The following NUBPL variants were observed in gnomAD, a reference collection of about 807,000 sequenced individuals.
NUBPL encodes the protein iron-sulfur cluster transfer protein NUBPL.
Under a neutral mutation model 45.7 loss-of-function variants are expected in NUBPL, and 31 were observed. The ratio of observed to expected loss-of-function variants is 0.68; its 90% CI spans 0.51 to 0.92. The LOEUF is 0.92. Among genes scored for constraint, NUBPL ranks in the 40% least tolerant of loss-of-function variants. The pLI, the probability that NUBPL is intolerant of heterozygous loss-of-function variation, is 0.00. For missense variants in NUBPL, 401 were observed against 398.7 expected (o/e 1.01, Z -0.05); for synonymous variants, 144 against 140.9 (o/e 1.02, Z -0.15).
intron 4 of NUBPL, among the ~76,000 whole-genome samples, chr14:31,622,434 A>G (rs1471921770): frequency 6.6e-6 from 1 of 152,138 alleles, no homozygotes; most frequent in Admixed American, 6.5e-5. Flanking sequence ...CGAAATGTTC[A>G]TCACCGAGAC....
At chr14:31,639,592 A>G (rs1184666889) in intron 4 of NUBPL, among the ~76,000 whole-genome samples, 1 of 152,206 alleles carries the variant, frequency 6.6e-6, no homozygotes, top group Non-Finnish European at 1.5e-5. Flanking sequence ...GCATCCTGGG[A>G]GAACCACTGC....
chr14:31,578,303 G>A (rs1293880121), intron 3 of NUBPL, among the ~76,000 whole-genome samples: 2 of 152,198 alleles, frequency 1.3e-5, no homozygotes. Flanking sequence ...TTTAAAACAA[G>A]CTTTGGTAAG....
At chr14:31,732,025 A>T (rs970082323) in intron 6 of NUBPL, among the ~76,000 whole-genome samples, 1 of 151,636 alleles carries the variant, frequency 6.6e-6, no homozygotes, top group Non-Finnish European at 1.5e-5. Flanking sequence ...AAACGGTGAA[A>T]TCCCGTCTCT....
chr14:31,820,127 G>A lies in NUBPL; in HGVS notation c.608-6502G>A, dbSNP rs538583694. Among the ~76,000 whole-genome samples the A allele has an allele frequency of 1.1e-3, 140 of 131,950 alleles. 1 individual carries two copies. The highest frequency in any genetic ancestry group is 4.1e-3 in the African/African-American group (126 of 30,854). 86.6% of individuals were successfully genotyped at this position (131,950 alleles called of 152,430 possible). On this transcript the variant is annotated intron_variant, in intron 7 of 10. Coordinates refer to ENST00000281081, the MANE Select transcript of NUBPL (RefSeq NM_025152.3). ...TGCACTCCAGCCTGGGCAACAGAGCGAGACTCCATCTCAAAAAAAAAAAAA... is the reference window on the plus strand; with the variant it reads ...TGCACTCCAGCCTGGGCAACAGAGCAAGACTCCATCTCAAAAAAAAAAAAA...
intron 6 of NUBPL, among the ~76,000 whole-genome samples, chr14:31,701,134 A>G (rs2037327960): frequency 6.7e-6 from 1 of 149,322 alleles, no homozygotes; most frequent in South Asian, 2.1e-4. Context: ...GTATCTAGCT[A>G]ATCTGGTGGG....
intron 10 of NUBPL, among the ~76,000 whole-genome samples, chr14:31,851,745 G>GT (rs10708638): frequency 5.3e-5 from 8 of 151,652 alleles, no homozygotes; most frequent in Non-Finnish European, 8.8e-5. Context: ...AAAATTGAGG[G>GT]TTTTTTTTGC....
chr14:31,855,798 G>C (rs1485639094), intron 10 of NUBPL, among the ~76,000 whole-genome samples: 1 of 152,066 alleles, frequency 6.6e-6, no homozygotes, highest in East Asian at 1.9e-4. Flanking sequence ...TCTTTTTACT[G>C]TGCAGAGTCT....
intron 6 of NUBPL, among the ~76,000 whole-genome samples, chr14:31,699,407 AT>A (rs1409608802): frequency 3.9e-5 from 6 of 152,176 alleles, no homozygotes; most frequent in Admixed American, 1.3e-4. Flanking sequence ...TATACTGTTT[AT>A]CTGCATTCAC....
chr14:31,758,293 A>T (rs2038719418), intron 6 of NUBPL, among the ~76,000 whole-genome samples: 1 of 152,202 alleles, frequency 6.6e-6, no homozygotes, highest in Non-Finnish European at 1.5e-5. Flanking sequence ...TAATTATAAG[A>T]CATGATTAAT....
At position 31,846,588 on chromosome 14, in the gene NUBPL, C is replaced by G; in HGVS notation, c.811C>G (p.Leu271Val). ...AGCACAGACCCTTGGTCTTGAAGTT[C>G]TAGGTAAGACTGTGGGATGTTCTTT... The part of the protein sequence containing the change: ...KLAQTLGLEV[L>V]GDIPLHLNIR... The change falls in exon 9 of 11, where the codon CTA (leucine) becomes GTA (valine). Residue 271 changes from leucine to valine, a missense_variant. Coordinates refer to ENST00000281081, the MANE Select transcript of NUBPL (RefSeq NM_025152.3). 6.2e-7 allele frequency: 1 copy of G among 1,613,510 alleles called. No individual in the cohort carries two copies. Among genetic ancestry groups the G allele is most frequent in the Non-Finnish European group, 8.5e-7 (1 of 1,179,794 alleles).
intron 4 of NUBPL, among the ~76,000 whole-genome samples, chr14:31,633,822 A>G (rs2035409226): frequency 6.6e-6 from 1 of 152,120 alleles, no homozygotes; most frequent in African/African-American, 2.4e-5. Context: ...ATATTTGCAC[A>G]CTGTGATGAG....
chr14:31,640,341 C>T (rs900394154), intron 4 of NUBPL, among the ~76,000 whole-genome samples: 4 of 152,094 alleles, frequency 2.6e-5, no homozygotes, highest in South Asian at 2.1e-4. Context: ...CTTGGTGGCT[C>T]ACGCGCCCAG....
At chr14:31,614,462 TACACACATAC>T (rs1007202792) in intron 4 of NUBPL, among the ~76,000 whole-genome samples, 18 of 152,302 alleles carry the variant, frequency 1.2e-4, no homozygotes, top group African/African-American at 3.1e-4. Context: ...AAAAAGGTTA[TACACACATAC>T]ACACACATAC....
intron 6 of NUBPL, among the ~76,000 whole-genome samples, chr14:31,701,284 C>G (rs2037331965): frequency 6.6e-6 from 1 of 152,122 alleles, no homozygotes; most frequent in Non-Finnish European, 1.5e-5. Flanking sequence ...ACTTTTATGT[C>G]TAGCTAGAGA....
chr14:31,569,069 A>C (rs2033512639), intron 3 of NUBPL, among the ~76,000 whole-genome samples: 1 of 152,204 alleles, frequency 6.6e-6, no homozygotes, highest in Non-Finnish European at 1.5e-5. Context: ...CCTTTTAAAA[A>C]ACTGATTGGG....
At chr14:31,628,684 C>G (rs2035269250) in intron 4 of NUBPL, among the ~76,000 whole-genome samples, 1 of 152,026 alleles carries the variant, frequency 6.6e-6, no homozygotes, top group South Asian at 2.1e-4. Context: ...TGAAAAATGC[C>G]TCTAGTTCAG....
chr14:31,824,048 C>T (rs2040059817), intron 7 of NUBPL, among the ~76,000 whole-genome samples: 1 of 151,950 alleles, frequency 6.6e-6, no homozygotes, highest in African/African-American at 2.4e-5. Context: ...AATGACCTTC[C>T]CAGCAACGTC....
chr14:31,658,354 C>T (rs1295622668), intron 4 of NUBPL, among the ~76,000 whole-genome samples: 1 of 152,064 alleles, frequency 6.6e-6, no homozygotes, highest in African/African-American at 2.4e-5. Flanking sequence ...TTCTGATCTT[C>T]GGCTATTCCA....
chr14:31,698,677 C>T (rs895518180), intron 6 of NUBPL, among the ~76,000 whole-genome samples: 2 of 152,172 alleles, frequency 1.3e-5, no homozygotes, highest in Middle Eastern at 6.8e-3. Context: ...CTACTGCGAA[C>T]ATTTACTTAC....
Sources: gnomAD v4.1 joint callset for allele counts (sites outside exome capture counted in the v4.1 genomes callset) on GRCh38, gnomAD v4.1.1 for gene constraint, MANE v1.5 for transcripts, NCBI Gene and HGNC (gene_info 2026-07-23, HGNC 2026-07-21) for gene names.